Variants in FER observed in about 807,000 individuals in gnomAD.
FER encodes tyrosine-protein kinase Fer.
In FER, 63 loss-of-function variants were observed where a neutral mutation model predicts 111.0. The observed-to-expected ratio is 0.57, with a 90% CI of 0.46 to 0.70. The LOEUF is 0.70. Ranked by LOEUF, FER falls within the 30% of genes least tolerant of loss-of-function variation. The pLI is 0.00. For missense variants in FER, 914 were observed against 954.0 expected (o/e 0.96, Z 0.55); for synonymous variants, 327 against 313.9 (o/e 1.04, Z -0.44).
At chr5:108,755,579 G>A (rs982533434) in intron 1 of FER, among the ~76,000 whole-genome samples, 4 of 151,880 alleles carry the variant, frequency 2.6e-5, no homozygotes, top group Admixed American at 2.0e-4. Flanking sequence ...TCCACCTCCC[G>A]GGTTCAAGCA....
intron 17 of FER, among the ~76,000 whole-genome samples, chr5:109,101,784 C>T (rs1487710259): frequency 6.6e-6 from 1 of 152,030 alleles, no homozygotes; most frequent in Non-Finnish European, 1.5e-5. Context: ...CATTAGTGGT[C>T]AACACTGTGT....
At chr5:108,885,905 G>T (rs1021862428) in intron 9 of FER, among the ~76,000 whole-genome samples, 5 of 151,598 alleles carry the variant, frequency 3.3e-5, no homozygotes, top group Admixed American at 6.6e-5. Context: ...TTATTTGAAT[G>T]GTAAAATAAA....
rs913039992 is a variant in FER, at chr5:109,194,025, G to A, written c.*6450G>A. 5.3e-5 allele frequency: 8 copies of A among 152,158 alleles called. No homozygotes were observed. The highest frequency in any genetic ancestry group is 2.1e-4 in the South Asian group (1 of 4,822). 9.4% of individuals were successfully genotyped at this position (152,158 alleles called of 1,614,324 possible). On this transcript the variant is annotated 3_prime_UTR_variant, in exon 20 of 20. Transcript: ENST00000281092. ...GAAGCTCTTGAGAGATTTTCCTAAC[G>A]CAGCAAGATTTCTGTGAGTAGAGGT...
Position 108,886,627 on chromosome 5 carries a change from T to G in FER, c.1046+3109T>G, listed in dbSNP as rs527895049. On this transcript the variant is annotated intron_variant, in intron 9 of 19. Transcript: ENST00000281092. ...GACATGAGTTGTTGACTCCATAGCT[T>G]CTGTCTTTTTGATCATATTATTTGC... Among the ~76,000 whole-genome samples the G allele has an allele frequency of 1.3e-4, 19 of 151,698 alleles. No homozygotes were observed. The South Asian group carries it at 3.5e-3, about 28-fold the overall frequency.
intron 13 of FER, among the ~76,000 whole-genome samples, chr5:108,998,885 G>A (rs987989828): frequency 6.6e-6 from 1 of 152,030 alleles, no homozygotes; most frequent in African/African-American, 2.4e-5. Context: ...TTTTTGCCTC[G>A]ATGTTAAAGT....
Position 109,077,743 on chromosome 5 carries a change from C to T in FER, c.1925-22653C>T, listed in dbSNP as rs1431509958. On this transcript the variant is annotated intron_variant, in intron 16 of 19. Transcript: ENST00000281092. ...TATCATTTGTCTCACTAATAACAGC[C>T]AACCATATTAAGGAACAATGAAAAA... is the stretch of plus-strand genomic sequence containing the variant. 2.6e-5 allele frequency among the ~76,000 whole-genome samples: 4 copies of T among 152,224 alleles called. No homozygotes were observed. In the East Asian group the frequency reaches 7.7e-4, roughly 29 times the overall value.
At chr5:109,107,506 C>G (rs1749087103) in intron 17 of FER, among the ~76,000 whole-genome samples, 1 of 152,050 alleles carries the variant, frequency 6.6e-6, no homozygotes, top group Non-Finnish European at 1.5e-5. Flanking sequence ...CAAGTAGACC[C>G]CAGTGTCTGT....
At chr5:109,072,084 T>A (rs551636484) in intron 16 of FER, among the ~76,000 whole-genome samples, 1 of 151,860 alleles carries the variant, frequency 6.6e-6, no homozygotes, top group South Asian at 2.1e-4. Context: ...AGACCAAGAT[T>A]GTATATACAT....
chr5:108,935,929 G>C (rs1366094827), intron 10 of FER, among the ~76,000 whole-genome samples: 1 of 152,064 alleles, frequency 6.6e-6, no homozygotes, highest in South Asian at 2.1e-4. Context: ...TTATTGAGCA[G>C]ACTTCAAATA....
intron 2 of FER, among the ~76,000 whole-genome samples, chr5:108,771,072 A>C (rs1194326000): frequency 6.6e-6 from 1 of 151,738 alleles, no homozygotes; most frequent in Non-Finnish European, 1.5e-5. Context: ...AGTAGCTGGG[A>C]TTACAGATGC....
chr5:109,175,444 A>G (rs1258527818), intron 17 of FER, among the ~76,000 whole-genome samples: 3 of 152,188 alleles, frequency 2.0e-5, no homozygotes, highest in Admixed American at 6.5e-5. Flanking sequence ...TGCTTTTACC[A>G]TATATAAAAA....
chr5:109,041,451 A>G (rs1197613267), intron 14 of FER, among the ~76,000 whole-genome samples: 2 of 146,058 alleles, frequency 1.4e-5, no homozygotes, highest in Non-Finnish European at 3.1e-5. Context: ...AGTCTGGATA[A>G]GTATTCAAAA....
At chr5:108,753,343 A>C (rs1191674233) in intron 1 of FER, among the ~76,000 whole-genome samples, 1 of 152,174 alleles carries the variant, frequency 6.6e-6, no homozygotes, top group Non-Finnish European at 1.5e-5. Flanking sequence ...ACAAATAAAT[A>C]GTTAGAAATA....
intron 10 of FER, among the ~76,000 whole-genome samples, chr5:108,936,619 T>G (rs1182829609): frequency 6.6e-6 from 1 of 152,014 alleles, no homozygotes; most frequent in Non-Finnish European, 1.5e-5. Flanking sequence ...GTCCTAAGAT[T>G]TCTAACTTAC....
intron 17 of FER, among the ~76,000 whole-genome samples, chr5:109,125,782 T>C (rs754312206): frequency 7.2e-5 from 11 of 152,230 alleles, no homozygotes; most frequent in Non-Finnish European, 1.0e-4. Flanking sequence ...TTGTAAATCA[T>C]CTCATGTAAG....
intron 13 of FER, among the ~76,000 whole-genome samples, chr5:108,967,547 A>C (rs553460680): frequency 6.6e-6 from 1 of 152,142 alleles, no homozygotes; most frequent in South Asian, 2.1e-4. Context: ...GAATCTCCTA[A>C]GATCAGGAGG....
intron 8 of FER, among the ~76,000 whole-genome samples, chr5:108,878,151 C>T (rs954597008): frequency 1.3e-5 from 2 of 152,092 alleles, no homozygotes; most frequent in African/African-American, 4.8e-5. Flanking sequence ...AACTGATCTA[C>T]CCGCCGCAGC....
intron 5 of FER, among the ~76,000 whole-genome samples, chr5:108,854,817 G>A (rs1297522780): frequency 2.0e-5 from 3 of 151,774 alleles, no homozygotes; most frequent in East Asian, 1.9e-4. Flanking sequence ...GGTGGCACAC[G>A]CCTATAGTCC....
At chr5:108,963,466 G>A (rs993164783) in intron 13 of FER, among the ~76,000 whole-genome samples, 1 of 152,136 alleles carries the variant, frequency 6.6e-6, no homozygotes, top group African/African-American at 2.4e-5. Flanking sequence ...GGGGGCTGAG[G>A]CAGGAGAATC....
Sources: allele counts gnomAD v4.1 joint callset (sites outside exome capture counted in the v4.1 genomes callset), GRCh38; gene constraint gnomAD v4.1.1; transcripts MANE v1.5; gene names NCBI Gene and HGNC (gene_info 2026-07-23, HGNC 2026-07-21).